The following NDUFS3 variants were observed in gnomAD, a reference collection of about 807,000 sequenced individuals.
The protein encoded by NDUFS3 is NADH dehydrogenase [ubiquinone] iron-sulfur protein 3, mitochondrial.
NDUFS3 carries 19 observed loss-of-function variants against 30.8 expected under a neutral mutation model. That is an observed-to-expected ratio of 0.62 (90% CI 0.43 to 0.91). The LOEUF (loss-of-function observed/expected upper bound fraction) is 0.91. Ranked by LOEUF, NDUFS3 falls within the 40% of genes least tolerant of loss-of-function variation. The pLI is 0.00. For synonymous variants in NDUFS3, 153 were observed against 135.8 expected, an observed-to-expected ratio of 1.13 and a Z score of -0.88; for missense variants, 331 against 342.0, an observed-to-expected ratio of 0.97 and a Z score of 0.25.
Position 47,584,525 on chromosome 11 carries a change from A to T in NDUFS3, c.*44A>T. On this transcript the variant is annotated 3_prime_UTR_variant, in exon 7 of 7. Coordinates refer to ENST00000263774, the MANE Select transcript of NDUFS3 (RefSeq NM_004551.3). ...GATCCTAGACAGCGCCTTATCTATG[A>T]TTGAGTGTCCGTGTAAATAAATTCC... 1.2e-6 allele frequency: 2 copies of T among 1,605,858 alleles called. No homozygotes were observed. The highest frequency in any genetic ancestry group is 1.7e-6 in the Non-Finnish European group (2 of 1,173,402).
chr11:47,579,429 G>A, intron 2 of NDUFS3, 95 bp downstream of exon 2: 2 of 1,491,906 alleles, frequency 1.3e-6, no homozygotes, highest in Non-Finnish European at 1.8e-6. Flanking sequence ...ACGTCCTCCT[G>A]GCAAATCTTG....
chr11:47,579,082 T>C lies in NDUFS3; in HGVS notation c.-10T>C, dbSNP rs1468247949. On this transcript the variant is annotated 5_prime_UTR_variant, in exon 1 of 7. Transcript: ENST00000263774. Reference sequence around the variant, plus strand: ...CTTTCCGTCCGCTGCCTAGTCTGCATCTGAGTAACATGGCGGCGGCGGCGG... The same window carrying C: ...CTTTCCGTCCGCTGCCTAGTCTGCACCTGAGTAACATGGCGGCGGCGGCGG... 18 of 1,560,476 alleles carry C rather than the reference T, an allele frequency of 1.2e-5. No individual in the cohort carries two copies. The highest frequency in any genetic ancestry group is 2.7e-5 in the African/African-American group (2 of 73,606).
intron 2 of NDUFS3, 25 bp from the exon 3 acceptor site, chr11:47,580,500 T>TA (rs1367513707): frequency 4.3e-6 from 7 of 1,612,916 alleles, no homozygotes; most frequent in Non-Finnish European, 5.9e-6. Flanking sequence ...TCCATTTCTT[T>TA]TTTAAATATG....
At chr11:47,582,619 C>G in intron 6 of NDUFS3, 151 bp downstream of exon 6, 3 of 1,252,346 alleles carry the variant, frequency 2.4e-6, no homozygotes, top group South Asian at 1.3e-5. Context: ...TTTTTGTAAC[C>G]TGGGGCAAGT....
rs760372767 is a variant in NDUFS3, at chr11:47,579,420, C to G, written c.133+86C>G. On this transcript the variant is annotated intron_variant, in intron 2 of 6. Coordinates refer to ENST00000263774, the MANE Select transcript of NDUFS3 (RefSeq NM_004551.3). ...CCTTGCCCTAGGATGCCCTTCCCTA[C>G]GTCCTCCTGGCAAATCTTGGAGATC... The G allele has an allele frequency of 9.2e-5, 141 of 1,537,172 alleles. No individual in the cohort carries two copies. In the African/African-American group the frequency reaches 1.9e-3, roughly 20 times the overall value.
In NDUFS3 at chr11:47,579,130, G is replaced by A. The variant is rs754491444; in HGVS notation, c.39G>A (p.Gly13=). 3 of 1,596,936 alleles carry A rather than the reference G, an allele frequency of 1.9e-6. No individual in the cohort carries two copies. Among genetic ancestry groups the A allele is most frequent in the Non-Finnish European group, 2.6e-6 (3 of 1,173,352 alleles). The change falls in exon 1 of 7, where the codon GGG becomes GGA. Residue 13 remains glycine (G), a synonymous_variant. Coordinates refer to ENST00000263774, the MANE Select transcript of NDUFS3 (RefSeq NM_004551.3). The stretch of plus-strand genomic sequence containing the variant: ...CGGTAGCCAGGCTGTGGTGGCGCGG[G>A]ATCTTGGGGGCCTCGGCGCTGACCA... The part of the protein sequence containing the change: ...AAAVARLWWR[G]ILGASALTRG...
At chr11:47,580,321 C>T (rs2097267837) in intron 2 of NDUFS3, among the ~76,000 whole-genome samples, 1 of 152,190 alleles carries the variant, frequency 6.6e-6, no homozygotes, top group African/African-American at 2.4e-5. Context: ...AAGAGTCTTT[C>T]TGAGGACCGT....
At position 47,582,841 on chromosome 11, in the gene NDUFS3, A is replaced by G. The variant is rs2097269403; in HGVS notation, c.627+373A>G. On this transcript the variant is annotated intron_variant, in intron 6 of 6. Transcript: ENST00000263774. Reference sequence around the variant, plus strand: ...TGAAACCTCTTCTCTACAAAAAAATAGAAAAATTAACGGGGCATGGTGGTG... The same window carrying G: ...TGAAACCTCTTCTCTACAAAAAAATGGAAAAATTAACGGGGCATGGTGGTG... 2.0e-5 allele frequency among the ~76,000 whole-genome samples: 3 copies of G among 152,238 alleles called. No homozygotes were observed. The South Asian group carries it at 6.2e-4, about 32-fold the overall frequency.
At chr11:47,581,142 C>A in intron 4 of NDUFS3, 158 bp downstream of exon 4, 3 of 841,420 alleles carry the variant, frequency 3.6e-6, no homozygotes, top group Non-Finnish European at 5.7e-6. Context: ...CCTCAGATAA[C>A]TCAAATATTT....
Position 47,579,114 on chromosome 11 carries a change from G to A in NDUFS3, c.23G>A (p.Arg8Lys), listed in dbSNP as rs1428851015. 1 of 1,585,776 alleles carries A rather than the reference G, an allele frequency of 6.3e-7. No individual in the cohort carries two copies. The highest frequency in any genetic ancestry group is 8.6e-7 in the Non-Finnish European group (1 of 1,167,714). The change falls in exon 1 of 7, where the codon AGG becomes AAG. Residue 8 changes from arginine (R) to lysine (K), a missense_variant. By Grantham distance (26) the Arg-to-Lys change is conservative (BLOSUM62 2). Coordinates refer to ENST00000263774, the MANE Select transcript of NDUFS3 (RefSeq NM_004551.3). ...AACATGGCGGCGGCGGCGGTAGCCA[G>A]GCTGTGGTGGCGCGGGATCTTGGGG... The part of the protein sequence containing the change: MAAAAVA[R>K]LWWRGILGAS...
chr11:47,583,050 C>CTGTG (rs576702023), intron 6 of NDUFS3, among the ~76,000 whole-genome samples: 49 of 149,966 alleles, frequency 3.3e-4, no homozygotes, highest in African/African-American at 8.3e-4. Flanking sequence ...TCAATTGATG[C>CTGTG]TGTGTGTGTG....
Position 47,579,816 on chromosome 11 carries a change from C to T in NDUFS3, c.133+482C>T, listed in dbSNP as rs959632815. On this transcript the variant is annotated intron_variant, in intron 2 of 6. Coordinates refer to ENST00000263774, the MANE Select transcript of NDUFS3 (RefSeq NM_004551.3). ...CTAGTGAATGACAAAGTAGGCCTGC[C>T]TGCTGCCAGAGGCAGAAACACCTAA... is the stretch of plus-strand genomic sequence containing the variant. 8 of 231,384 alleles carry T rather than the reference C, an allele frequency of 3.5e-5. No individual in the cohort carries two copies. In the East Asian group the frequency reaches 7.2e-4, roughly 21 times the overall value. The allele number at this position is 231,384 out of a possible 1,614,324, so 14.3% of individuals were successfully genotyped here.
chr11:47,580,759 C>G (rs770880776), intron 3 of NDUFS3, 76 bp from the exon 4 acceptor site: 2 of 1,605,266 alleles, frequency 1.2e-6, no homozygotes, highest in South Asian at 1.1e-5. Flanking sequence ...CAGCATTAAA[C>G]CAGGTGACTC....
chr11:47,584,397 C>T lies in NDUFS3; in HGVS notation c.711C>T (p.Ser237=). The change falls in exon 7 of 7, where the codon AGC becomes AGT. Residue 237 remains serine, a synonymous_variant. Transcript: ENST00000263774. ...AQEFRKFDLN[S]PWEAFPVYRQ... is the part of the protein sequence containing the mutation. ...AGTTCCGCAAATTTGACCTGAACAG[C>T]CCCTGGGAGGCTTTCCCAGTCTATC... is the stretch of plus-strand genomic sequence containing the variant. 1 of 1,614,116 alleles carries T rather than the reference C, an allele frequency of 6.2e-7. No homozygotes were observed. The highest frequency in any genetic ancestry group is 8.5e-7 in the Non-Finnish European group (1 of 1,180,036).
At position 47,579,168 on chromosome 11, in the gene NDUFS3, G is replaced by A; in HGVS notation, c.67+10G>A. On this transcript the variant is annotated intron_variant, in intron 1 of 6. Coordinates refer to ENST00000263774, the MANE Select transcript of NDUFS3 (RefSeq NM_004551.3). Reference sequence around the variant, plus strand: ...TCGGCGCTGACCAGGGGTGAGCACGGGCAGCCAGCTGAGACCGGGGTCAGG... The same window carrying A: ...TCGGCGCTGACCAGGGGTGAGCACGAGCAGCCAGCTGAGACCGGGGTCAGG... The A allele has an allele frequency of 1.2e-6, 2 of 1,611,806 alleles. No individual in the cohort carries two copies. Among genetic ancestry groups the A allele is most frequent in the Non-Finnish European group, 1.7e-6 (2 of 1,179,286 alleles).
chr11:47,581,568 G>C (rs762648340), intron 4 of NDUFS3: 1 of 231,018 alleles, frequency 4.3e-6, no homozygotes, highest in Non-Finnish European at 8.6e-6. Flanking sequence ...TAAATTGCTT[G>C]CACACAGTGT....
chr11:47,583,021 C>G (rs1188045616), intron 6 of NDUFS3, among the ~76,000 whole-genome samples: 1 of 151,802 alleles, frequency 6.6e-6, no homozygotes, highest in Non-Finnish European at 1.5e-5. Context: ...ATGTATGAAG[C>G]CTGCTGTATT....
intron 4 of NDUFS3, chr11:47,581,393 G>C (rs894800147): frequency 1.1e-5 from 3 of 276,978 alleles, no homozygotes; most frequent in Non-Finnish European, 2.1e-5. Context: ...CTGACCTCGT[G>C]ATCTGCCTGC....
Position 47,579,165 on chromosome 11 carries a change from A to C in NDUFS3, c.67+7A>C, listed in dbSNP as rs896578167. The C allele has an allele frequency of 6.2e-7, 1 of 1,611,328 alleles. No individual in the cohort carries two copies. The highest frequency in any genetic ancestry group is 1.7e-5 in the Admixed American group (1 of 59,692). ...GCCTCGGCGCTGACCAGGGGTGAGC[A>C]CGGGCAGCCAGCTGAGACCGGGGTC... On this transcript the variant is annotated splice_region_variant and intron_variant, in intron 1 of 6. Coordinates refer to ENST00000263774, the MANE Select transcript of NDUFS3 (RefSeq NM_004551.3).
Sources: allele counts gnomAD v4.1 joint callset (sites outside exome capture counted in the v4.1 genomes callset), GRCh38; gene constraint gnomAD v4.1.1; transcripts MANE v1.5; gene names NCBI Gene and HGNC (gene_info 2026-07-23, HGNC 2026-07-21).